PDCD6IP: variants seen among roughly 807,000 people sequenced by gnomAD.
PDCD6IP encodes the protein programmed cell death 6-interacting protein.
Under a neutral mutation model 103.7 loss-of-function variants are expected in PDCD6IP, and 43 were observed. That is an observed-to-expected ratio of 0.41 (90% CI 0.32 to 0.53). The LOEUF (loss-of-function observed/expected upper bound fraction) is 0.53, where lower values mean the gene tolerates loss of function less well. Ranked by LOEUF, PDCD6IP falls within the 20% of genes least tolerant of loss-of-function variation. The pLI is 0.16. For synonymous variants in PDCD6IP, 354 were observed against 378.7 expected (o/e 0.93, Z 0.76); for missense variants, 871 against 1,036.7 (o/e 0.84, Z 2.20).
rs1696411412 is a variant in PDCD6IP at position 33,799,198 on chromosome 3, G to GC, written c.209+262dup. The GC allele has an allele frequency of 1.1e-5, 6 of 553,860 alleles. No individual in the cohort carries two copies. In the East Asian group the frequency reaches 1.7e-4, roughly 16 times the overall value. The allele number at this position is 553,860 out of a possible 1,614,324, so 34.3% of individuals were successfully genotyped here. On this transcript the variant is annotated intron_variant, in intron 1 of 17. Coordinates refer to ENST00000307296, the MANE Select transcript of PDCD6IP (RefSeq NM_013374.6). ...GGCTCCGTGGATCAGATACCTGGGA[G>GC]CAGCAGTCTGCCCTGTACTGATCTC...
chr3:33,822,579 C>A (rs1453498647), intron 4 of PDCD6IP, among the ~76,000 whole-genome samples: 1 of 152,154 alleles, frequency 6.6e-6, no homozygotes, highest in East Asian at 1.9e-4. Context: ...ACATAATGTT[C>A]ATAAGTTGCC....
At chr3:33,841,433 CTTTTTT>C (rs1301369045) in intron 9 of PDCD6IP, among the ~76,000 whole-genome samples, 5 of 60,946 alleles carry the variant, frequency 8.2e-5, no homozygotes, top group African/African-American at 1.5e-4. Context: ...CTTTGCTTTG[CTTTTTT>C]TTTTTTTTTT....
chr3:33,834,438 A>C (rs543828365), intron 7 of PDCD6IP, among the ~76,000 whole-genome samples: 14 of 152,192 alleles, frequency 9.2e-5, no homozygotes, highest in African/African-American at 3.4e-4. Flanking sequence ...TTGATTTACA[A>C]ATTTAAAAAG....
chr3:33,829,004 A>C, intron 7 of PDCD6IP, 35 bp downstream of exon 7: 2 of 1,500,934 alleles, frequency 1.3e-6, no homozygotes, highest in Admixed American at 2.2e-5. Flanking sequence ...TAAGTAACTA[A>C]CTTGGATCTC....
intron 7 of PDCD6IP, among the ~76,000 whole-genome samples, chr3:33,835,533 A>G (rs1697327435): frequency 6.6e-6 from 1 of 152,166 alleles, no homozygotes; most frequent in Non-Finnish European, 1.5e-5. Flanking sequence ...CCTGGCCAAT[A>G]TGATGAAACC....
chr3:33,810,179 A>C (rs1696684218), intron 1 of PDCD6IP, among the ~76,000 whole-genome samples: 1 of 152,232 alleles, frequency 6.6e-6, no homozygotes, highest in Non-Finnish European at 1.5e-5. Context: ...GAAAGGTACC[A>C]AATGGTAATT....
At chr3:33,828,788 A>G (rs1417551170) in intron 6 of PDCD6IP, 65 bp from the exon 7 acceptor site, 2 of 1,583,784 alleles carry the variant, frequency 1.3e-6, no homozygotes, top group Non-Finnish European at 1.7e-6. Context: ...TTCTTCCTGC[A>G]TCCCATGTTG....
chr3:33,812,242 G>T, intron 2 of PDCD6IP, 116 bp downstream of exon 2: 1 of 1,398,000 alleles, frequency 7.2e-7, no homozygotes, highest in East Asian at 2.7e-5. Context: ...GGAGCTTTTA[G>T]ATCTGTCTAA....
In PDCD6IP at chr3:33,807,926, C is replaced by T. The variant is rs147407837; in HGVS notation, c.210-4146C>T. Among the ~76,000 whole-genome samples, 37 of 152,360 alleles carry T rather than the reference C, an allele frequency of 2.4e-4. 1 individual carries two copies. The highest frequency in any genetic ancestry group is 7.8e-4 in the Admixed American group (12 of 15,308). ...ATTGGCCTCCTTGCTGTGCCAAGCA[C>T]ACCTTTAGGCGTTGTTGCCTCAGAC... is the stretch of plus-strand genomic sequence containing the variant. On this transcript the variant is annotated intron_variant, in intron 1 of 17. Transcript: ENST00000307296.
At chr3:33,832,581 C>T (rs972695223) in intron 7 of PDCD6IP, among the ~76,000 whole-genome samples, 1 of 152,124 alleles carries the variant, frequency 6.6e-6, no homozygotes, top group African/African-American at 2.4e-5. Context: ...ATGGCTAGCC[C>T]ATTGTCCCCA....
At position 33,852,495 on chromosome 3, in the gene PDCD6IP, A is replaced by G. The variant is rs9813017; in HGVS notation, c.1649A>G (p.Asn550Ser). The change falls in exon 13 of 18, where the codon AAT becomes AGT. Residue 550 changes from asparagine to serine, a missense_variant. Asn to Ser is a conservative substitution (Grantham distance 46, BLOSUM62 1). Coordinates refer to ENST00000307296, the MANE Select transcript of PDCD6IP (RefSeq NM_013374.6). The stretch of plus-strand genomic sequence containing the variant: ...GGTGTCTTTTTTGTTTAGGTTGTAA[A>G]TGTCTTAAAATCCTTATTGTCAAAT... ...AKTMQGSEVV[N>S]VLKSLLSNLD... 152,575 of 1,508,720 alleles carry G rather than the reference A, an allele frequency of 0.1. 8,275 individuals carry two copies. The highest frequency in any genetic ancestry group is 0.14 in the African/African-American group (9,462 of 66,444). The allele number at this position is 1,508,720 out of a possible 1,614,324, so 93.5% of individuals were successfully genotyped here. A position where few individuals can be genotyped will look rare whatever the true frequency, so the allele number is the denominator to read the frequency against.
Position 33,816,710 on chromosome 3 carries a change from G to C in PDCD6IP, c.334+3082G>C, listed in dbSNP as rs567340840. ...ATTGAGGGGTGAATGGGAGGTGAGG[G>C]AATGGAAACAGTAAATGTGGGTTGC... On this transcript the variant is annotated intron_variant, in intron 3 of 17. Transcript: ENST00000307296. 1.6e-4 allele frequency among the ~76,000 whole-genome samples: 25 copies of C among 151,936 alleles called. 1 individual carries two copies. Among genetic ancestry groups the C allele is most frequent in the Non-Finnish European group, 4.4e-5 (3 of 67,992 alleles).
chr3:33,855,569 A>T (rs1697808207), intron 15 of PDCD6IP, among the ~76,000 whole-genome samples: 1 of 152,218 alleles, frequency 6.6e-6, no homozygotes, highest in African/African-American at 2.4e-5. Flanking sequence ...AGTGGCAAAT[A>T]GGTTCCTTAC....
rs1275706771 is a variant in PDCD6IP, at chr3:33,818,189, C to T, written c.335-3766C>T. ...GTGGCATGATCTCGGCTTACTGCAA[C>T]CTCTGCCTCTGAGGTTCAAGTGATT... On this transcript the variant is annotated intron_variant, in intron 3 of 17. Transcript: ENST00000307296. Among the ~76,000 whole-genome samples, 4 of 138,118 alleles carry T rather than the reference C, an allele frequency of 2.9e-5. No homozygotes were observed. In the East Asian group the frequency reaches 9.6e-4, roughly 33 times the overall value. 90.6% of individuals were successfully genotyped at this position (138,118 alleles called of 152,430 possible). A position where few individuals can be genotyped will look rare whatever the true frequency, so the allele number is the denominator to read the frequency against.
chr3:33,851,358 A>C (rs1339711031), intron 12 of PDCD6IP, among the ~76,000 whole-genome samples: 1 of 152,082 alleles, frequency 6.6e-6, no homozygotes, highest in East Asian at 1.9e-4. Context: ...GGGCAGCTTG[A>C]AAGTGCTCAT....
At chr3:33,865,582 A>C in intron 17 of PDCD6IP, 152 bp downstream of exon 17, 1 of 585,906 alleles carries the variant, frequency 1.7e-6, no homozygotes, top group Non-Finnish European at 2.9e-6. Context: ...AAATAATGTT[A>C]TGGTCACTTA....
rs371204188 is a variant in PDCD6IP at position 33,848,428 on chromosome 3, G to A, written c.1641+2840G>A. Among the ~76,000 whole-genome samples, 186 of 145,160 alleles carry A rather than the reference G, an allele frequency of 1.3e-3. 1 individual carries two copies. The highest frequency in any genetic ancestry group is 4.6e-3 in the African/African-American group (182 of 39,594). ...TTTCTTTCTTTTTTTTTTTTGAGAC[G>A]GAGTCTTGCTCTGTCACCCAGGCTG... On this transcript the variant is annotated intron_variant, in intron 12 of 17. Coordinates refer to ENST00000307296, the MANE Select transcript of PDCD6IP (RefSeq NM_013374.6).
At chr3:33,822,880 A>G (rs1697025057) in intron 4 of PDCD6IP, among the ~76,000 whole-genome samples, 3 of 151,960 alleles carry the variant, frequency 2.0e-5, no homozygotes, top group African/African-American at 7.3e-5. Flanking sequence ...GATGGTCTTG[A>G]TCTCCTGACA....
rs746088806 is a variant in PDCD6IP at position 33,867,885 on chromosome 3, A to T, written c.*1360A>T. 2 of 152,174 alleles carry T rather than the reference A, an allele frequency of 1.3e-5. No homozygotes were observed. The highest frequency in any genetic ancestry group is 2.4e-5 in the African/African-American group (1 of 41,452). 9.4% of individuals were successfully genotyped at this position (152,174 alleles called of 1,614,324 possible). A position where few individuals can be genotyped will look rare whatever the true frequency, so the allele number is the denominator to read the frequency against. On this transcript the variant is annotated 3_prime_UTR_variant, in exon 18 of 18. Transcript: ENST00000307296. ...ATTGTTTCATTTTAATGATAGTGTT[A>T]CTTGTCCCACTGTTGTTTTCATTGA...
Sources: allele counts gnomAD v4.1 joint callset (sites outside exome capture counted in the v4.1 genomes callset), GRCh38; gene constraint gnomAD v4.1.1; transcripts MANE v1.5; gene names NCBI Gene and HGNC (gene_info 2026-07-23, HGNC 2026-07-21).